The following BAIAP2L1 variants were observed in gnomAD, a reference collection of about 807,000 sequenced individuals.
BAIAP2L1 encodes the protein BAR/IMD domain containing adaptor protein 2 like 1, also known as BAR/IMD domain-containing adapter protein 2-like 1.
In BAIAP2L1, 35 loss-of-function variants were observed where a neutral mutation model predicts 66.3. The ratio of observed to expected loss-of-function variants is 0.53; its 90% CI spans 0.40 to 0.70. The LOEUF (loss-of-function observed/expected upper bound fraction) is 0.70, where lower values mean the gene tolerates loss of function less well. BAIAP2L1 is among the 30% of genes least tolerant of loss of function. The pLI, the probability that BAIAP2L1 is intolerant of heterozygous loss-of-function variation, is 0.00. For synonymous variants in BAIAP2L1, 269 were observed against 248.7 expected, an observed-to-expected ratio of 1.08 and a Z score of -0.77; for missense variants, 622 against 656.9, an observed-to-expected ratio of 0.95 and a Z score of 0.58.
intron 1 of BAIAP2L1, among the ~76,000 whole-genome samples, chr7:98,369,514 T>TG (rs1184037547): frequency 6.6e-6 from 1 of 152,052 alleles, no homozygotes; most frequent in African/African-American, 2.4e-5. Context: ...CTTATGAGGC[T>TG]GGGTGTAGGT....
At chr7:98,336,421 C>A (rs1243926833) in intron 3 of BAIAP2L1, among the ~76,000 whole-genome samples, 1 of 152,170 alleles carries the variant, frequency 6.6e-6, no homozygotes, top group Non-Finnish European at 1.5e-5. Context: ...CGAGACCAGC[C>A]TGGCCAACAT....
intron 6 of BAIAP2L1, among the ~76,000 whole-genome samples, chr7:98,315,875 C>A (rs1442009067): frequency 6.6e-6 from 1 of 152,142 alleles, no homozygotes; most frequent in African/African-American, 2.4e-5. Context: ...TTACTTTGTA[C>A]TTCAGAGATA....
At chr7:98,308,056 C>A in intron 9 of BAIAP2L1, 160 bp from the exon 10 acceptor site, 1 of 747,560 alleles carries the variant, frequency 1.3e-6, no homozygotes, top group East Asian at 2.7e-5. Context: ...GATCATTGCC[C>A]AGAAGGAACA....
At position 98,310,513 on chromosome 7, in the gene BAIAP2L1, G is replaced by A. The variant is rs771469558; in HGVS notation, c.887C>T (p.Pro296Leu). Residue 296 changes from proline (P) to leucine (L), a missense_variant, in exon 9 of 14, where the codon CCC becomes CTC. Pro to Leu is a moderately conservative substitution (Grantham distance 98, BLOSUM62 -3). Transcript: ENST00000005260. ...TGGGTTATTAAACATATCGATCAAG[G>A]GACTGGTATATGCTCTGCCTGAAGG... ...PAPSGRAYTS[P>L]LIDMFNNPAT... 1 of 1,606,044 alleles carries A rather than the reference G, an allele frequency of 6.2e-7. No homozygotes were observed. Among genetic ancestry groups the A allele is most frequent in the East Asian group, 2.2e-5 (1 of 44,624 alleles).
chr7:98,301,223 A>T (rs1279101395), intron 12 of BAIAP2L1, among the ~76,000 whole-genome samples: 1 of 152,118 alleles, frequency 6.6e-6, no homozygotes, highest in East Asian at 1.9e-4. Flanking sequence ...TCAGTGATAA[A>T]CATGACCTCC....
At chr7:98,395,148 AAAT>A (rs904094618) in intron 1 of BAIAP2L1, among the ~76,000 whole-genome samples, 1 of 151,512 alleles carries the variant, frequency 6.6e-6, no homozygotes, top group Non-Finnish European at 1.5e-5. Flanking sequence ...GAAAGAAAGA[AAAT>A]AATCCCAGCC....
chr7:98,309,264 C>G (rs1049504577), intron 9 of BAIAP2L1: 6 of 152,188 alleles, frequency 3.9e-5, no homozygotes, highest in African/African-American at 1.4e-4. Context: ...AAGCAATTCT[C>G]TTGCCTCAGC....
At chr7:98,337,235 AT>A (rs60826557) in intron 3 of BAIAP2L1, among the ~76,000 whole-genome samples, 1,826 of 138,582 alleles carry the variant, frequency 0.013, 15 homozygotes, top group Admixed American at 0.044. Flanking sequence ...TTCAGATACC[AT>A]TTTTTTTTTT....
chr7:98,329,575 G>A (rs1249139837), intron 3 of BAIAP2L1, among the ~76,000 whole-genome samples: 2 of 152,076 alleles, frequency 1.3e-5, no homozygotes, highest in Non-Finnish European at 2.9e-5. Flanking sequence ...CCAGAGCTTT[G>A]TTCTGTTCCA....
rs549415916 is a variant in BAIAP2L1 at position 98,362,063 on chromosome 7, T to TA, written c.127+293_127+294insT. 3.6e-4 allele frequency among the ~76,000 whole-genome samples: 55 copies of TA among 152,326 alleles called. 1 individual carries two copies. In the South Asian group the frequency reaches 0.011, roughly 31 times the overall value. On this transcript the variant is annotated intron_variant, in intron 2 of 13. Coordinates refer to ENST00000005260, the MANE Select transcript of BAIAP2L1 (RefSeq NM_018842.5). ...TGTAGGACCCTAACTTATAAATGTC[T>TA]CATGTACACATTTTATATTTGTTAG...
chr7:98,386,357 AT>A, intron 1 of BAIAP2L1: 1 of 1,595,118 alleles, frequency 6.3e-7, no homozygotes, highest in Non-Finnish European at 8.5e-7. Flanking sequence ...CAACTTCATC[AT>A]TCTGCAAATC....
chr7:98,362,783 C>T (rs3801256), intron 1 of BAIAP2L1, among the ~76,000 whole-genome samples: 1 of 151,960 alleles, frequency 6.6e-6, no homozygotes, highest in Admixed American at 6.6e-5. Context: ...GGTTCTCATT[C>T]TAGTGTTAAG....
At chr7:98,337,093 ACT>A (rs1263727036) in intron 3 of BAIAP2L1, among the ~76,000 whole-genome samples, 2 of 152,184 alleles carry the variant, frequency 1.3e-5, no homozygotes, top group African/African-American at 4.8e-5. Context: ...TGCAAAGCGC[ACT>A]GAGTCAGGGC....
chr7:98,334,579 C>G (rs1801569340), intron 3 of BAIAP2L1, among the ~76,000 whole-genome samples: 1 of 152,004 alleles, frequency 6.6e-6, no homozygotes, highest in Non-Finnish European at 1.5e-5. Flanking sequence ...GAGTCTTGCT[C>G]CGTCACCCAG....
intron 7 of BAIAP2L1, among the ~76,000 whole-genome samples, chr7:98,314,974 G>A (rs189674498): frequency 1.1e-4 from 16 of 152,296 alleles, no homozygotes; most frequent in African/African-American, 3.6e-4. Flanking sequence ...ATACATGGAC[G>A]TTTGACCATT....
chr7:98,346,937 G>C (rs1170523661), intron 3 of BAIAP2L1, among the ~76,000 whole-genome samples: 1 of 152,120 alleles, frequency 6.6e-6, no homozygotes, highest in East Asian at 1.9e-4. Context: ...CAACATAATT[G>C]AGCCAAGTGG....
In BAIAP2L1 at chr7:98,320,124, T is replaced by C. The variant is rs1420678405; in HGVS notation, c.282A>G (p.Lys94=). 1.2e-6 allele frequency: 2 copies of C among 1,611,544 alleles called. No individual in the cohort carries two copies. Among genetic ancestry groups the C allele is most frequent in the Non-Finnish European group, 1.7e-6 (2 of 1,178,228 alleles). Residue 94 remains lysine (K), a synonymous_variant, in exon 5 of 14, where the codon AAA becomes AAG. Transcript: ENST00000005260. The stretch of plus-strand genomic sequence containing the variant: ...CATGGATAATCTCTTTGTGGAATTT[T>C]TTAAACTGTTAACAAAAGGAAATAA... ...KLNESLDENF[K]KFHKEIIHEL...
chr7:98,378,169 CAAAAACGAACAAAA>C (rs1451177048), intron 1 of BAIAP2L1, among the ~76,000 whole-genome samples: 3 of 150,700 alleles, frequency 2.0e-5, no homozygotes, highest in Non-Finnish European at 4.4e-5. Flanking sequence ...AAAATAAAAA[CAAAAACGAACAAAA>C]AAAAAAGTAC....
At chr7:98,306,354 C>A (rs1041664222) in intron 11 of BAIAP2L1, 85 bp downstream of exon 11, 4 of 1,506,866 alleles carry the variant, frequency 2.7e-6, no homozygotes, top group African/African-American at 2.8e-5. Context: ...GCAGGGCCTG[C>A]GACACAGCTA....
Sources: allele counts gnomAD v4.1 joint callset (sites outside exome capture counted in the v4.1 genomes callset), GRCh38; gene constraint gnomAD v4.1.1; transcripts MANE v1.5; gene names NCBI Gene and HGNC (gene_info 2026-07-23, HGNC 2026-07-21).